The following DMD variants were observed in gnomAD, a reference collection of about 807,000 sequenced individuals.
The protein encoded by DMD is mutant dystrophin.
Under a neutral mutation model 330.1 loss-of-function variants are expected in DMD, and 63 were observed. That is an observed-to-expected ratio of 0.19 (90% confidence interval 0.16 to 0.24). The LOEUF (loss-of-function observed/expected upper bound fraction) is 0.24, where lower values mean the gene tolerates loss of function less well. Ranked by LOEUF, DMD falls within the 10% of genes least tolerant of loss-of-function variation. The probability of loss-of-function intolerance (pLI) is 1.00; values close to 1 mark genes in which losing one functional copy is unlikely to be tolerated. For synonymous variants in DMD, 1,223 were observed against 959.8 expected, an observed-to-expected ratio of 1.27 and a Z score of -5.07; for missense variants, 3,344 against 2,684.1, an observed-to-expected ratio of 1.25 and a Z score of -5.43.
intron 2 of DMD, among the ~76,000 whole-genome samples, chrX:32,942,182 G>A (rs1236495881): frequency 9.0e-6 from 1 of 111,596 alleles, no homozygotes; most frequent in Non-Finnish European, 1.9e-5. Context: ...GGTAGATAAA[G>A]ACTCAATAGA....
chrX:33,249,353 G>T (rs187942703), intron 1 of DMD, among the ~76,000 whole-genome samples: 1 of 110,462 alleles, frequency 9.1e-6, no homozygotes, highest in Non-Finnish European at 1.9e-5. Context: ...GTTTCACCAC[G>T]TTGGCCAGGC....
chrX:32,845,974 G>A (rs1482617203), intron 3 of DMD, among the ~76,000 whole-genome samples: 2 of 111,012 alleles, frequency 1.8e-5, no homozygotes, highest in African/African-American at 6.7e-5. Flanking sequence ...GAAGCATGCT[G>A]TCTCACAGGA....
chrX:32,484,798 G>A, intron 21 of DMD, 121 bp downstream of exon 21: 2 of 741,529 alleles, frequency 2.7e-6, no homozygotes, highest in Non-Finnish European at 4.0e-6. Flanking sequence ...TGTTAATACA[G>A]GTTGTAGGGA....
intron 7 of DMD, among the ~76,000 whole-genome samples, chrX:32,782,876 C>A (rs1177004297): frequency 9.4e-6 from 1 of 106,845 alleles, no homozygotes; most frequent in Non-Finnish European, 1.9e-5. Context: ...TATACACACA[C>A]ACGTATATAT....
At chrX:33,296,531 G>A (rs2053586843) in intron 1 of DMD, among the ~76,000 whole-genome samples, 1 of 110,452 alleles carries the variant, frequency 9.1e-6, no homozygotes, top group Non-Finnish European at 1.9e-5. Flanking sequence ...AATATAGACT[G>A]TAGGAAGTAT....
chrX:31,317,509 AT>A (rs775949235), intron 62 of DMD, among the ~76,000 whole-genome samples: 22,179 of 84,617 alleles, frequency 0.26, 2,963 homozygotes, highest in African/African-American at 0.45. Context: ...AAATGAGGAA[AT>A]TTTTTTTTTT....
intron 1 of DMD, among the ~76,000 whole-genome samples, chrX:33,068,182 A>G (rs1045278457): frequency 2.7e-5 from 3 of 112,316 alleles, no homozygotes; most frequent in Non-Finnish European, 5.6e-5. Context: ...CTACCAGAAG[A>G]ATATCATTTA....
chrX:32,952,876 T>C (rs1207279245), intron 2 of DMD, among the ~76,000 whole-genome samples: 1 of 110,625 alleles, frequency 9.0e-6, no homozygotes, highest in Non-Finnish European at 1.9e-5. Flanking sequence ...GGCTCACACC[T>C]GTAATCACAG....
intron 47 of DMD, among the ~76,000 whole-genome samples, chrX:31,922,927 T>C (rs747064663): frequency 9.0e-6 from 1 of 111,558 alleles, no homozygotes; most frequent in South Asian, 3.8e-4. Context: ...AGGTAGATGA[T>C]GATGACAAGG....
chrX:31,270,188 GTTT>G (rs34927082), intron 62 of DMD, among the ~76,000 whole-genome samples: 4 of 99,518 alleles, frequency 4.0e-5, no homozygotes, highest in African/African-American at 1.1e-4. Flanking sequence ...ACCATTCCTT[GTTT>G]TTTTTTTTTT....
rs750864139 is a variant in DMD at position 32,801,428 on chromosome X, A to T, written c.649+8065T>A. ...TGGATATTAGCCCTTTGTCAGATAG[A>T]TAGATTGCAAAAATTTTCTCCCATC... On this transcript the variant is annotated intron_variant, in intron 7 of 78. Coordinates refer to ENST00000357033, the MANE Select transcript of DMD (RefSeq NM_004006.3). 2.2e-3 allele frequency among the ~76,000 whole-genome samples: 249 copies of T among 111,471 alleles called. 1 individual carries two copies. Among genetic ancestry groups the T allele is most frequent in the African/African-American group, 7.8e-3 (238 of 30,616 alleles).
chrX:32,444,046 A>G (rs1176508412), intron 27 of DMD, among the ~76,000 whole-genome samples: 2 of 110,926 alleles, frequency 1.8e-5, no homozygotes, highest in African/African-American at 6.5e-5. Context: ...GCTTATAAAA[A>G]TACTGGCGTA....
At chrX:32,857,219 G>C (rs1260906487) in intron 2 of DMD, among the ~76,000 whole-genome samples, 1 of 112,123 alleles carries the variant, frequency 8.9e-6, no homozygotes, top group Non-Finnish European at 1.9e-5. Context: ...AATATACTAT[G>C]TATCCATAAA....
chrX:33,319,701 A>T (rs2053986706), intron 1 of DMD, among the ~76,000 whole-genome samples: 1 of 112,080 alleles, frequency 8.9e-6, no homozygotes, highest in Non-Finnish European at 1.9e-5. Context: ...ATATAAGAAA[A>T]TGGGACCTGA....
At chrX:32,912,197 A>AG (rs1301784042) in intron 2 of DMD, among the ~76,000 whole-genome samples, 1 of 110,748 alleles carries the variant, frequency 9.0e-6, no homozygotes, top group Non-Finnish European at 1.9e-5. Flanking sequence ...ATCTGGTTGG[A>AG]GGGGGGACAT....
At chrX:31,916,135 A>G (rs2094605617) in intron 47 of DMD, among the ~76,000 whole-genome samples, 1 of 112,018 alleles carries the variant, frequency 8.9e-6, no homozygotes, top group African/African-American at 3.2e-5. Context: ...CATATGGAGC[A>G]GAGGTGAATC....
chrX:31,730,523 T>A (rs956924520), intron 51 of DMD, among the ~76,000 whole-genome samples: 3 of 111,594 alleles, frequency 2.7e-5, no homozygotes, highest in Non-Finnish European at 3.8e-5. Context: ...TTATAGGTAG[T>A]AATGTAAATC....
At chrX:31,160,998 T>C (rs940687053) in intron 74 of DMD, among the ~76,000 whole-genome samples, 1 of 111,657 alleles carries the variant, frequency 9.0e-6, no homozygotes, top group Admixed American at 9.5e-5. Context: ...GCTGGCCATA[T>C]GAAGTGTCCT....
chrX:31,871,666 C>T (rs73466018), intron 48 of DMD, among the ~76,000 whole-genome samples: 21,299 of 108,121 alleles, frequency 0.2, 1,937 homozygotes, highest in African/African-American at 0.32. Flanking sequence ...ATATCTACTT[C>T]CTTTGCATTA....
Sources: allele counts gnomAD v4.1 joint callset (sites outside exome capture counted in the v4.1 genomes callset), GRCh38; gene constraint gnomAD v4.1.1; transcripts MANE v1.5; gene names NCBI Gene and HGNC (gene_info 2026-07-23, HGNC 2026-07-21).